The following KCNIP4 variants were observed in gnomAD, a reference collection of about 807,000 sequenced individuals.
KCNIP4 encodes potassium voltage-gated channel interacting protein 4.
Under a neutral mutation model 34.0 loss-of-function variants are expected in KCNIP4, and 12 were observed. That is an observed-to-expected ratio of 0.35 (90% CI 0.23 to 0.57). KCNIP4 has a LOEUF of 0.57. Among genes scored for constraint, KCNIP4 ranks in the 20% least tolerant of loss-of-function variants. The probability of loss-of-function intolerance (pLI) is 0.83; values close to 1 mark genes in which losing one functional copy is unlikely to be tolerated. For missense variants in KCNIP4, 238 were observed against 311.7 expected, an observed-to-expected ratio of 0.76 and a Z score of 1.78; for synonymous variants, 124 against 102.2, an observed-to-expected ratio of 1.21 and a Z score of -1.29.
At chr4:20,988,605 G>A (rs1364246248) in intron 1 of KCNIP4, among the ~76,000 whole-genome samples, 4 of 152,104 alleles carry the variant, frequency 2.6e-5, no homozygotes, top group Admixed American at 6.5e-5. Flanking sequence ...GTTAAAATTC[G>A]ATATATTTAC....
At chr4:21,515,816 G>A (rs1734712705) in intron 1 of KCNIP4, among the ~76,000 whole-genome samples, 2 of 152,040 alleles carry the variant, frequency 1.3e-5, no homozygotes, top group African/African-American at 4.8e-5. Context: ...TTCCACCATG[G>A]GATGACACTA....
intron 1 of KCNIP4, among the ~76,000 whole-genome samples, chr4:20,985,020 C>T (rs878936985): frequency 1.4e-4 from 22 of 152,168 alleles, no homozygotes; most frequent in Admixed American, 7.9e-4. Context: ...CTGTTCTGTG[C>T]CAGGACCACA....
intron 1 of KCNIP4, among the ~76,000 whole-genome samples, chr4:21,230,514 C>T (rs1234464103): frequency 1.3e-5 from 2 of 152,116 alleles, no homozygotes; most frequent in South Asian, 2.1e-4. Context: ...AATCCCCTGA[C>T]AGGAGAGTCA....
chr4:21,425,278 G>C (rs1265045122), intron 1 of KCNIP4, among the ~76,000 whole-genome samples: 7 of 152,068 alleles, frequency 4.6e-5, no homozygotes, highest in Middle Eastern at 3.2e-3. Flanking sequence ...TAACAAAATA[G>C]CCAATTTTCC....
chr4:20,830,105 T>C (rs566217342), intron 3 of KCNIP4, among the ~76,000 whole-genome samples: 3 of 152,280 alleles, frequency 2.0e-5, no homozygotes, highest in Admixed American at 6.5e-5. Context: ...GTCAGAGTCA[T>C]CTCTGAATAG....
Position 21,136,363 on chromosome 4 carries a change from G to C in KCNIP4, c.62-253654C>G, listed in dbSNP as rs549028952. 3.3e-4 allele frequency among the ~76,000 whole-genome samples: 50 copies of C among 152,248 alleles called. No individual in the cohort carries two copies. The Middle Eastern group carries it at 0.01, about 31-fold the overall frequency. On this transcript the variant is annotated intron_variant, in intron 1 of 8. Transcript: ENST00000382152. ...AGGATAATTTTTAGAAGGAACAATG[G>C]AAGCAGAAAAGTACACACGCACAAT...
At chr4:21,680,175 C>T (rs564006758) in intron 1 of KCNIP4, among the ~76,000 whole-genome samples, 2 of 152,262 alleles carry the variant, frequency 1.3e-5, no homozygotes, top group East Asian at 3.9e-4. Flanking sequence ...ATGTAACAGT[C>T]TAAATTCTTT....
At chr4:21,904,047 C>T (rs956396481) in intron 1 of KCNIP4, among the ~76,000 whole-genome samples, 2 of 152,088 alleles carry the variant, frequency 1.3e-5, no homozygotes, top group Non-Finnish European at 2.9e-5. Context: ...TTATCTTTCA[C>T]CTTTAGGAAT....
At chr4:21,882,516 A>G (rs1443236829) in intron 1 of KCNIP4, among the ~76,000 whole-genome samples, 1 of 152,170 alleles carries the variant, frequency 6.6e-6, no homozygotes, top group East Asian at 1.9e-4. Context: ...CAAGGAAAAG[A>G]AAAGGAGAAG....
At chr4:21,038,928 G>GA in intron 1 of KCNIP4, among the ~76,000 whole-genome samples, 1 of 152,148 alleles carries the variant, frequency 6.6e-6, no homozygotes, top group East Asian at 1.9e-4. Context: ...GGTCCACAGT[G>GA]AAAAAAGCAT....
intron 3 of KCNIP4, among the ~76,000 whole-genome samples, chr4:20,806,654 A>G (rs898820426): frequency 1.3e-5 from 2 of 152,086 alleles, no homozygotes; most frequent in Non-Finnish European, 2.9e-5. Context: ...GTAAAACAGA[A>G]CCATGCTTAG....
intron 1 of KCNIP4, among the ~76,000 whole-genome samples, chr4:21,351,572 C>G (rs965797602): frequency 3.3e-5 from 5 of 152,116 alleles, no homozygotes; most frequent in Non-Finnish European, 5.9e-5. Context: ...CATACTAATA[C>G]AGTTTCCATA....
At chr4:20,894,884 C>G (rs1030542816) in intron 1 of KCNIP4, among the ~76,000 whole-genome samples, 1 of 152,172 alleles carries the variant, frequency 6.6e-6, no homozygotes, top group African/African-American at 2.4e-5. Flanking sequence ...ATGCAATGCT[C>G]TAACAACAAT....
intron 1 of KCNIP4, among the ~76,000 whole-genome samples, chr4:21,534,292 C>T (rs542458882): frequency 5.3e-5 from 8 of 152,266 alleles, no homozygotes; most frequent in African/African-American, 1.9e-4. Context: ...ACAGACACTG[C>T]AGTGCACTAG....
intron 1 of KCNIP4, among the ~76,000 whole-genome samples, chr4:20,883,073 TG>T (rs1724899108): frequency 6.8e-6 from 1 of 147,200 alleles, no homozygotes; most frequent in Non-Finnish European, 1.5e-5. Context: ...AAGAGTTAAC[TG>T]GATTGAAATT....
chr4:21,860,946 G>C (rs1725039699), intron 1 of KCNIP4, among the ~76,000 whole-genome samples: 1 of 152,078 alleles, frequency 6.6e-6, no homozygotes, highest in Non-Finnish European at 1.5e-5. Flanking sequence ...CTCCCACCCA[G>C]TCAACAGCCA....
intron 1 of KCNIP4, among the ~76,000 whole-genome samples, chr4:21,376,682 G>C (rs142580948): frequency 2.4e-4 from 36 of 152,198 alleles, no homozygotes; most frequent in African/African-American, 8.2e-4. Flanking sequence ...TCAGTGTTAC[G>C]TTTGCCTTTT....
intron 1 of KCNIP4, among the ~76,000 whole-genome samples, chr4:21,323,468 A>T (rs1714711228): frequency 6.6e-6 from 1 of 151,958 alleles, no homozygotes; most frequent in South Asian, 2.1e-4. Context: ...TTCATGAGTT[A>T]AATTGTTTTA....
intron 5 of KCNIP4, among the ~76,000 whole-genome samples, chr4:20,743,970 C>G (rs2149315911): frequency 6.6e-6 from 1 of 152,018 alleles, no homozygotes; most frequent in Non-Finnish European, 1.5e-5. Context: ...ACAGACTCTT[C>G]TCAAAAGAAG....
Sources: allele counts gnomAD v4.1 joint callset (sites outside exome capture counted in the v4.1 genomes callset), GRCh38; gene constraint gnomAD v4.1.1; transcripts MANE v1.5; gene names NCBI Gene and HGNC (gene_info 2026-07-23, HGNC 2026-07-21).